The following GPR160 variants were observed in gnomAD, a reference collection of about 807,000 sequenced individuals.
GPR160 encodes G protein-coupled receptor 160.
GPR160 carries 2 observed loss-of-function variants against 2.6 expected under a neutral mutation model. The ratio of observed to expected loss-of-function variants is 0.77; its 90% confidence interval spans 0.32 to 2.44. The LOEUF (loss-of-function observed/expected upper bound fraction) is 2.44. Ranked by LOEUF, GPR160 falls within the 30% of genes most tolerant of loss-of-function variation. GPR160 has a pLI of 0.11. For missense variants in GPR160, 351 were observed against 383.6 expected, an observed-to-expected ratio of 0.91 and a Z score of 0.71; for synonymous variants, 130 against 132.2, an observed-to-expected ratio of 0.98 and a Z score of 0.12.
chr3:170,050,115 A>G (rs1716890263), intron 2 of GPR160, among the ~76,000 whole-genome samples: 1 of 151,452 alleles, frequency 6.6e-6, no homozygotes, highest in Non-Finnish European at 1.5e-5. Context: ...GCTGGAGTGC[A>G]ATGGTGCGTT....
intron 2 of GPR160, among the ~76,000 whole-genome samples, chr3:170,060,129 G>A (rs1711865477): frequency 6.6e-6 from 1 of 152,010 alleles, no homozygotes; most frequent in Non-Finnish European, 1.5e-5. Context: ...TCAGCAACTG[G>A]GATGGCAAAA....
intron 2 of GPR160, among the ~76,000 whole-genome samples, chr3:170,056,826 G>C (rs1197577019): frequency 6.6e-6 from 1 of 152,164 alleles, no homozygotes; most frequent in Non-Finnish European, 1.5e-5. Flanking sequence ...AAGCCTATGG[G>C]CCATGGTGAA....
chr3:170,039,380 G>A (rs2108303887), intron 2 of GPR160, among the ~76,000 whole-genome samples: 2 of 152,248 alleles, frequency 1.3e-5, no homozygotes, highest in South Asian at 4.2e-4. Context: ...AGGTGTGGAC[G>A]TTGGTTGGAT....
intron 2 of GPR160, among the ~76,000 whole-genome samples, chr3:170,073,708 G>A (rs1010696287): frequency 1.3e-5 from 2 of 152,138 alleles, no homozygotes; most frequent in Middle Eastern, 3.4e-3. Context: ...TAGTTTTCTT[G>A]AAATGTCTTT....
At chr3:170,060,045 A>G (rs182578872) in intron 2 of GPR160, among the ~76,000 whole-genome samples, 32 of 152,132 alleles carry the variant, frequency 2.1e-4, no homozygotes, top group Admixed American at 1.4e-3. Context: ...TTAAAATACC[A>G]TATTTTCCTA....
chr3:170,057,666 G>C (rs1711716306), intron 2 of GPR160, among the ~76,000 whole-genome samples: 1 of 152,338 alleles, frequency 6.6e-6, no homozygotes, highest in Admixed American at 6.5e-5. Flanking sequence ...GAAGGAATGG[G>C]CTTCTGGAAG....
chr3:170,077,478 A>G (rs1211324060), intron 2 of GPR160: 1 of 152,176 alleles, frequency 6.6e-6, no homozygotes, highest in Non-Finnish European at 1.5e-5. Context: ...GAAAGGTCGG[A>G]AGGCTTCAGG....
intron 2 of GPR160, among the ~76,000 whole-genome samples, chr3:170,064,139 A>T (rs528122914): frequency 6.6e-6 from 1 of 152,178 alleles, no homozygotes; most frequent in East Asian, 1.9e-4. Flanking sequence ...AGAGATTGAG[A>T]TGATACTCTA....
intron 2 of GPR160, among the ~76,000 whole-genome samples, chr3:170,061,403 T>C (rs2108327191): frequency 6.6e-6 from 1 of 152,128 alleles, no homozygotes; most frequent in Non-Finnish European, 1.5e-5. Flanking sequence ...TCTAACAACA[T>C]TGGGACAGTT....
rs374117710 is a variant in GPR160 at position 170,055,584 on chromosome 3, A to G, written c.-193+16541A>G. Among the ~76,000 whole-genome samples the G allele has an allele frequency of 4.7e-4, 71 of 152,300 alleles. 1 individual carries two copies. In the South Asian group the frequency reaches 0.015, roughly 32 times the overall value. ...GATGAAGAAAGCAAGACTAAAGGAC[A>G]TGATAATCATTGAGAACCAGGAGGC... On this transcript the variant is annotated intron_variant, in intron 2 of 3. Transcript: ENST00000355897.
intron 2 of GPR160, among the ~76,000 whole-genome samples, chr3:170,067,282 AGCGTGAGCCGTCGT>A (rs1292564696): frequency 6.6e-6 from 1 of 152,104 alleles, no homozygotes; most frequent in Non-Finnish European, 1.5e-5. Context: ...TGGGATTACA[AGCGTGAGCCGTCGT>A]GCCAGGCCTG....
chr3:170,039,976 A>G (rs1017687946), intron 2 of GPR160, among the ~76,000 whole-genome samples: 12 of 151,616 alleles, frequency 7.9e-5, no homozygotes, highest in Admixed American at 5.9e-4. Flanking sequence ...GAAGCTGGGA[A>G]GAACACATGG....
rs192953598 is a variant in GPR160, at chr3:170,049,546, A to G, written c.-193+10503A>G. On this transcript the variant is annotated intron_variant, in intron 2 of 3. Transcript: ENST00000355897. ...TCCTTAAAATGCCGCAGGAGTATACAAAGTGCCCTGACATGGTGCCCTCCC... is the reference window on the plus strand; with the variant it reads ...TCCTTAAAATGCCGCAGGAGTATACGAAGTGCCCTGACATGGTGCCCTCCC... 7.9e-3 allele frequency among the ~76,000 whole-genome samples: 1,206 copies of G among 152,344 alleles called. 7 individuals are homozygous for G. Among genetic ancestry groups the G allele is most frequent in the Non-Finnish European group, 0.012 (828 of 68,026 alleles).
chr3:170,041,269 G>A (rs1286791024), intron 2 of GPR160, among the ~76,000 whole-genome samples: 6 of 150,510 alleles, frequency 4.0e-5, no homozygotes, highest in Admixed American at 3.3e-4. Context: ...CCTTGCTCGT[G>A]TAGATTCACT....
At chr3:170,078,589 GATTA>G (rs1171478327) in intron 2 of GPR160, among the ~76,000 whole-genome samples, 5 of 152,188 alleles carry the variant, frequency 3.3e-5, no homozygotes, top group Non-Finnish European at 4.4e-5. Context: ...TTTATGAAAG[GATTA>G]ATTGAGGCCA....
chr3:170,055,090 G>A (rs916896749), intron 2 of GPR160, among the ~76,000 whole-genome samples: 4 of 152,164 alleles, frequency 2.6e-5, no homozygotes, highest in Non-Finnish European at 2.9e-5. Flanking sequence ...CACCGTGCCC[G>A]GCCAGGATTT....
intron 2 of GPR160, among the ~76,000 whole-genome samples, chr3:170,045,462 G>A (rs1211102828): frequency 7.1e-6 from 1 of 141,686 alleles, no homozygotes; most frequent in African/African-American, 2.6e-5. Flanking sequence ...TTAGCCAGGG[G>A]TGGTGGCACT....
At chr3:170,080,760 G>A (rs369073756) in intron 3 of GPR160, among the ~76,000 whole-genome samples, 2 of 152,182 alleles carry the variant, frequency 1.3e-5, no homozygotes, top group Admixed American at 6.5e-5. Context: ...GGAATGCAGT[G>A]GCATGACTTG....
chr3:170,073,691 T>C (rs1343122733), intron 2 of GPR160, among the ~76,000 whole-genome samples: 1 of 152,164 alleles, frequency 6.6e-6, no homozygotes, highest in Non-Finnish European at 1.5e-5. Flanking sequence ...GGGATGATGA[T>C]CTATATTAGT....
Sources: allele counts gnomAD v4.1 joint callset (sites outside exome capture counted in the v4.1 genomes callset), GRCh38; gene constraint gnomAD v4.1.1; transcripts MANE v1.5; gene names NCBI Gene and HGNC (gene_info 2026-07-23, HGNC 2026-07-21).